The following GSK3B variants were observed in gnomAD, a reference collection of about 807,000 sequenced individuals.
The protein encoded by GSK3B is glycogen synthase kinase-3 beta.
Under a neutral mutation model 56.4 loss-of-function variants are expected in GSK3B, and 15 were observed. The ratio of observed to expected loss-of-function variants is 0.27; its 90% CI spans 0.18 to 0.41. The LOEUF is 0.41. Ranked by LOEUF, GSK3B falls within the 10% of genes least tolerant of loss-of-function variation. The pLI, the probability that GSK3B is intolerant of heterozygous loss-of-function variation, is 1.00. For missense variants in GSK3B, 300 were observed against 513.4 expected (o/e 0.58, Z 4.02); for synonymous variants, 181 against 188.9 (o/e 0.96, Z 0.34).
At chr3:119,987,062 A>T (rs1346360708) in intron 2 of GSK3B, among the ~76,000 whole-genome samples, 1 of 152,204 alleles carries the variant, frequency 6.6e-6, no homozygotes, top group Non-Finnish European at 1.5e-5. Context: ...CCTTCTCAGC[A>T]AACTATCACA....
chr3:119,905,802 T>C lies in GSK3B; in HGVS notation c.766A>G (p.Ile256Val), dbSNP rs770039569. Residue 256 changes from isoleucine (I) to valine (V), a missense_variant, in exon 7 of 11, where the codon ATA becomes GTA. By Grantham distance (29) the Ile-to-Val change is conservative. This residue lies in a region of GSK3B where 39 missense variants were observed against 154.6 expected (regional missense o/e 0.25). Coordinates refer to ENST00000264235, the MANE Select transcript of GSK3B (RefSeq NM_001146156.2). ...VLAELLLGQPIFPGDSGVDQL... is the reference protein window; with the variant it reads ...VLAELLLGQPVFPGDSGVDQL... ...TCCACACCACTATCCCCTGGAAATA[T>C]TGGTTGTCCTAGTAACAGCTCAGCC... The C allele has an allele frequency of 6.8e-6, 11 of 1,606,416 alleles. No individual in the cohort carries two copies. The highest frequency in any genetic ancestry group is 1.7e-5 in the Admixed American group (1 of 60,010).
chr3:119,978,185 T>A (rs58605236), intron 2 of GSK3B, among the ~76,000 whole-genome samples: 79,497 of 151,652 alleles, frequency 0.52, 24,102 homozygotes, highest in African/African-American at 0.85. Flanking sequence ...ATCACCAACC[T>A]GAAACATTCC....
intron 1 of GSK3B, among the ~76,000 whole-genome samples, chr3:120,063,718 ACT>A (rs1207460386): frequency 4.0e-5 from 5 of 125,862 alleles, no homozygotes; most frequent in Non-Finnish European, 6.4e-5. Context: ...ACAGAGCGAG[ACT>A]CTGTCTCAAA....
At chr3:119,852,327 T>C (rs867532001) in intron 9 of GSK3B, among the ~76,000 whole-genome samples, 36 of 152,222 alleles carry the variant, frequency 2.4e-4, no homozygotes, top group African/African-American at 8.4e-4. Context: ...AGTGATGTAC[T>C]TGAAAATCTT....
intron 3 of GSK3B, among the ~76,000 whole-genome samples, chr3:119,933,238 A>G (rs1180641845): frequency 1.3e-5 from 2 of 152,240 alleles, no homozygotes; most frequent in Non-Finnish European, 2.9e-5. Flanking sequence ...CTATCAAACT[A>G]GAAAAGAAAA....
At chr3:120,059,444 A>G (rs563011362) in intron 1 of GSK3B, among the ~76,000 whole-genome samples, 1 of 152,334 alleles carries the variant, frequency 6.6e-6, no homozygotes, top group Non-Finnish European at 1.5e-5. Context: ...TTATCACTCA[A>G]GTCTAAAAGC....
chr3:120,077,847 A>T (rs200738928), intron 1 of GSK3B, among the ~76,000 whole-genome samples: 4 of 144,522 alleles, frequency 2.8e-5, no homozygotes, highest in African/African-American at 1.2e-4. Context: ...TTCTTCCTTT[A>T]CTTCAAGTCT....
At chr3:119,919,895 A>G (rs2056821872) in intron 4 of GSK3B, among the ~76,000 whole-genome samples, 1 of 151,768 alleles carries the variant, frequency 6.6e-6, no homozygotes, top group African/African-American at 2.4e-5. Flanking sequence ...TCTAGGACAT[A>G]TTTTTAACTG....
At chr3:119,944,220 T>G (rs1468627998) in intron 3 of GSK3B, among the ~76,000 whole-genome samples, 1 of 152,160 alleles carries the variant, frequency 6.6e-6, no homozygotes, top group Non-Finnish European at 1.5e-5. Context: ...CTCATGTTCT[T>G]ATCACTGATC....
At chr3:119,930,113 A>ACACACG (rs2056930828) in intron 3 of GSK3B, among the ~76,000 whole-genome samples, 1 of 150,452 alleles carries the variant, frequency 6.6e-6, no homozygotes, top group African/African-American at 2.4e-5. Context: ...ACACACACAC[A>ACACACG]CACACACACA....
At position 119,992,090 on chromosome 3, in the gene GSK3B, T is replaced by C. The variant is rs553304158; in HGVS notation, c.282+9956A>G. 6.6e-5 allele frequency among the ~76,000 whole-genome samples: 10 copies of C among 152,130 alleles called. No individual in the cohort carries two copies. In the South Asian group the frequency reaches 1.9e-3, roughly 28 times the overall value. On this transcript the variant is annotated intron_variant, in intron 2 of 10. Coordinates refer to ENST00000264235, the MANE Select transcript of GSK3B (RefSeq NM_001146156.2). ...AAATCCCAATTTAAAAGATCAACAC[T>C]TTTTTTATAAAGTTAGATAAACTGA...
chr3:119,971,520 A>C (rs752951613), intron 2 of GSK3B, among the ~76,000 whole-genome samples: 16 of 151,566 alleles, frequency 1.1e-4, no homozygotes, highest in Non-Finnish European at 2.1e-4. Context: ...AGTTTTAGTA[A>C]CTGGCCTTAT....
intron 1 of GSK3B, among the ~76,000 whole-genome samples, chr3:120,064,973 C>T (rs2058267256): frequency 6.6e-6 from 1 of 152,154 alleles, no homozygotes; most frequent in Non-Finnish European, 1.5e-5. Context: ...CTAAAATTAA[C>T]TCAAAATGGA....
At chr3:119,974,349 C>CTGA in intron 2 of GSK3B, among the ~76,000 whole-genome samples, 1 of 152,268 alleles carries the variant, frequency 6.6e-6, no homozygotes, top group East Asian at 1.9e-4. Flanking sequence ...GAAACCTAAG[C>CTGA]ATCAATGTGA....
At chr3:119,862,340 C>T (rs2056115254) in intron 9 of GSK3B, among the ~76,000 whole-genome samples, 1 of 111,376 alleles carries the variant, frequency 9.0e-6, no homozygotes. Context: ...CACATGGACA[C>T]AGGAAGGGGA....
At chr3:120,088,006 C>T (rs548206717) in intron 1 of GSK3B, among the ~76,000 whole-genome samples, 1 of 152,232 alleles carries the variant, frequency 6.6e-6, no homozygotes, top group Admixed American at 6.5e-5. Flanking sequence ...GATTCTCCTG[C>T]CTCAGCCTCC....
intron 1 of GSK3B, among the ~76,000 whole-genome samples, chr3:120,011,139 T>C (rs551934018): frequency 5.9e-5 from 9 of 152,272 alleles, no homozygotes; most frequent in Non-Finnish European, 1.3e-4. Flanking sequence ...ACAAAAACTG[T>C]CTGGGGTCCA....
At position 120,002,081 on chromosome 3, in the gene GSK3B, C is replaced by T. The variant is rs1576261930; in HGVS notation, c.247G>A (p.Ala83Thr). The T allele has an allele frequency of 1.2e-6, 2 of 1,602,654 alleles. No homozygotes were observed. The highest frequency in any genetic ancestry group is 2.3e-5 in the East Asian group (1 of 44,332). Residue 83 changes from alanine (A) to threonine (T), a missense_variant, in exon 2 of 11, where the codon GCC becomes ACC. This residue lies in a region of GSK3B where 20 missense variants were observed against 59.1 expected (regional missense o/e 0.34). Transcript: ENST00000264235. ...AKLCDSGELV[A>T]IKKVLQDKRF... ...TTGTCCTGCAATACTTTCTTGATGG[C>T]GACCAGTTCTCCTGAATCACAAAGT...
At chr3:120,078,007 T>C (rs984745056) in intron 1 of GSK3B, among the ~76,000 whole-genome samples, 27 of 152,176 alleles carry the variant, frequency 1.8e-4, no homozygotes, top group Non-Finnish European at 3.7e-4. Flanking sequence ...GAAAGTTAAA[T>C]GGAATGAGAG....
Sources: allele counts gnomAD v4.1 joint callset (sites outside exome capture counted in the v4.1 genomes callset), GRCh38; gene constraint gnomAD v4.1.1; regional missense constraint gnomAD v4.1.1; transcripts MANE v1.5; gene names NCBI Gene and HGNC (gene_info 2026-07-23, HGNC 2026-07-21).